Variants in ZC3H12B observed in about 807,000 individuals in gnomAD.
ZC3H12B encodes zinc finger CCCH-type containing 12B.
Under a neutral mutation model 43.9 loss-of-function variants are expected in ZC3H12B, and 7 were observed. That is an observed-to-expected ratio of 0.16 (90% CI 0.09 to 0.30). The LOEUF (loss-of-function observed/expected upper bound fraction) is 0.30, where lower values mean the gene tolerates loss of function less well. ZC3H12B is among the 10% of genes least tolerant of loss of function. The pLI, the probability that ZC3H12B is intolerant of heterozygous loss-of-function variation, is 1.00. For missense variants in ZC3H12B, 475 were observed against 670.2 expected, an observed-to-expected ratio of 0.71 and a Z score of 3.22; for synonymous variants, 222 against 241.7, an observed-to-expected ratio of 0.92 and a Z score of 0.76.
At chrX:65,143,729 AT>A in the ZC3H12B span, among the ~76,000 whole-genome samples, 320 of 101,872 alleles carry the variant, frequency 3.1e-3, 2 homozygotes, top group African/African-American at 0.01. Context: ...TGCCCAGCTA[AT>A]TTTTTTTTTT....
chrX:65,469,463 C>T (rs745783501), intron 3 of ZC3H12B: 56 of 415,588 alleles, frequency 1.3e-4, no homozygotes, highest in Non-Finnish European at 2.2e-4. Context: ...CCATGCTCTT[C>T]GAGCTCACTG....
At chrX:65,287,989 C>CATATAT in the ZC3H12B span, among the ~76,000 whole-genome samples, 264 of 90,415 alleles carry the variant, frequency 2.9e-3, 1 homozygote, top group African/African-American at 0.014. Context: ...ATTTTATATA[C>CATATAT]ATATATATAT....
the ZC3H12B span, among the ~76,000 whole-genome samples, chrX:65,215,558 G>C: frequency 1.8e-5 from 2 of 110,706 alleles, no homozygotes; most frequent in Admixed American, 9.7e-5. Context: ...CCCTGTATTG[G>C]GTTTTGGCTT....
chrX:65,312,552 G>A, the ZC3H12B span, among the ~76,000 whole-genome samples: 9 of 111,628 alleles, frequency 8.1e-5, no homozygotes, highest in African/African-American at 2.9e-4. Context: ...GAAAGGTTGG[G>A]AAATCACAAT....
intron 3 of ZC3H12B, among the ~76,000 whole-genome samples, chrX:65,430,261 A>T: frequency 9.0e-6 from 1 of 110,987 alleles, no homozygotes. Context: ...TGGGCTCACA[A>T]GGGGATCTCC....
chrX:65,157,743 A>G, the ZC3H12B span, among the ~76,000 whole-genome samples: 1 of 102,998 alleles, frequency 9.7e-6, no homozygotes, highest in Non-Finnish European at 1.9e-5. Flanking sequence ...TCTTTAACCC[A>G]CTTTTTCTAC....
the ZC3H12B span, among the ~76,000 whole-genome samples, chrX:65,304,531 G>T: frequency 1.8e-5 from 2 of 109,009 alleles, no homozygotes; most frequent in African/African-American, 3.3e-5. Flanking sequence ...CAGGAGAATG[G>T]CGTGAACCCG....
chrX:65,133,537 C>T, the ZC3H12B span, among the ~76,000 whole-genome samples: 1 of 111,485 alleles, frequency 9.0e-6, no homozygotes, highest in Non-Finnish European at 1.9e-5. Context: ...GGGACATCGA[C>T]CTTGGCTATG....
chrX:65,112,845 G>C, the ZC3H12B span, among the ~76,000 whole-genome samples: 1 of 111,839 alleles, frequency 8.9e-6, no homozygotes, highest in Admixed American at 9.5e-5. Flanking sequence ...CCCTTCTACA[G>C]CCTGTGGATC....
At chrX:65,317,947 C>G in the ZC3H12B span, among the ~76,000 whole-genome samples, 11 of 106,456 alleles carry the variant, frequency 1.0e-4, no homozygotes, top group African/African-American at 3.8e-4. Context: ...GCTGGTTCCA[C>G]ATTTTTGCAA....
chrX:65,458,359 C>A (rs1179907511), intron 3 of ZC3H12B, among the ~76,000 whole-genome samples: 1 of 111,083 alleles, frequency 9.0e-6, no homozygotes, highest in Non-Finnish European at 1.9e-5. Context: ...CGAAGCAGAC[C>A]TAATAGACAT....
At chrX:65,476,428 A>G (rs919009768) in intron 3 of ZC3H12B, among the ~76,000 whole-genome samples, 1 of 111,498 alleles carries the variant, frequency 9.0e-6, no homozygotes, top group Non-Finnish European at 1.9e-5. Context: ...TTTTTTTGAA[A>G]GTACAGAGAT....
At chrX:65,157,517 C>T in the ZC3H12B span, among the ~76,000 whole-genome samples, 2 of 111,391 alleles carry the variant, frequency 1.8e-5, no homozygotes, top group African/African-American at 3.3e-5. Context: ...ATAGCTACAC[C>T]AGCTTTCTGT....
the ZC3H12B span, among the ~76,000 whole-genome samples, chrX:65,301,336 T>TA: frequency 9.0e-6 from 1 of 111,561 alleles, no homozygotes; most frequent in African/African-American, 3.3e-5. Context: ...ACTAGGTATT[T>TA]ACTCAGAGGA....
rs1447868945 is a variant in ZC3H12B, at chrX:65,497,532, T to C, written c.748+261T>C. On this transcript the variant is annotated intron_variant, in intron 2 of 4. Transcript: ENST00000338957. ...AAAGGAGTGCTTTTCTATTTGACCA[T>C]AGACTTCAGACTAAAGGGTGATGAA... 5.3e-5 allele frequency among the ~76,000 whole-genome samples: 6 copies of C among 112,725 alleles called. No individual in the cohort carries two copies. In the Admixed American group the frequency reaches 5.6e-4, roughly 11 times the overall value.
chrX:65,461,646 G>C (rs1354812016), intron 3 of ZC3H12B, among the ~76,000 whole-genome samples: 3 of 111,103 alleles, frequency 2.7e-5, no homozygotes, highest in Non-Finnish European at 5.7e-5. Context: ...TGTGGGAATT[G>C]AACAATGAGA....
At chrX:65,455,674 G>C (rs1333139528) in intron 3 of ZC3H12B, among the ~76,000 whole-genome samples, 2 of 111,508 alleles carry the variant, frequency 1.8e-5, no homozygotes, top group Non-Finnish European at 3.8e-5. Flanking sequence ...ACACATAATT[G>C]TCAGATTCAC....
the ZC3H12B span, among the ~76,000 whole-genome samples, chrX:65,059,225 C>CCG: frequency 1.2e-5 from 1 of 81,466 alleles, no homozygotes; most frequent in African/African-American, 4.5e-5. Flanking sequence ...AACCACCCCC[C>CCG]CCCCGCCCCA....
the ZC3H12B span, among the ~76,000 whole-genome samples, chrX:65,300,875 A>C: frequency 9.0e-6 from 1 of 111,529 alleles, no homozygotes; most frequent in Admixed American, 9.6e-5. Flanking sequence ...ACAGTGAAAG[A>C]ATCAACAGAG....
Sources: gnomAD v4.1 joint callset for allele counts (sites outside exome capture counted in the v4.1 genomes callset) on GRCh38, gnomAD v4.1.1 for gene constraint, MANE v1.5 for transcripts, NCBI Gene and HGNC (gene_info 2026-07-23, HGNC 2026-07-21) for gene names.